The following SLC30A9 variants were observed in gnomAD, a reference collection of about 807,000 sequenced individuals.
The protein encoded by SLC30A9 is solute carrier family 30 member 9, also known as proton-coupled zinc antiporter SLC30A9, mitochondrial.
Under a neutral mutation model 87.5 loss-of-function variants are expected in SLC30A9, and 58 were observed. The observed-to-expected ratio is 0.66, with a 90% CI of 0.54 to 0.82. The LOEUF is 0.82. Among genes scored for constraint, SLC30A9 ranks in the 40% least tolerant of loss-of-function variants. The pLI is 0.00. For missense variants in SLC30A9, 557 were observed against 679.1 expected (o/e 0.82, Z 2.00); for synonymous variants, 234 against 233.0 (o/e 1.00, Z -0.04).
chr4:42,003,393 T>C (rs540147341), intron 2 of SLC30A9, among the ~76,000 whole-genome samples: 2 of 152,298 alleles, frequency 1.3e-5, no homozygotes, highest in East Asian at 3.8e-4. Context: ...CCAAGGGAGA[T>C]GTTGGAGTAT....
At chr4:42,037,768 A>T (rs976228736) in intron 7 of SLC30A9, among the ~76,000 whole-genome samples, 1 of 152,094 alleles carries the variant, frequency 6.6e-6, no homozygotes, top group Non-Finnish European at 1.5e-5. Context: ...AATTGCTCTG[A>T]TTATGGAATT....
chr4:42,066,965 T>A (rs529854085), intron 13 of SLC30A9, 120 bp from the exon 14 acceptor site: 6 of 648,866 alleles, frequency 9.2e-6, no homozygotes, highest in South Asian at 2.0e-5. Context: ...TAATCTCTCA[T>A]ACACTTTTTT....
At chr4:42,083,414 T>A (rs1718809943) in intron 17 of SLC30A9, among the ~76,000 whole-genome samples, 1 of 152,218 alleles carries the variant, frequency 6.6e-6, no homozygotes, top group South Asian at 2.1e-4. Context: ...TCAGTTCTGT[T>A]CAATAAATAT....
chr4:42,053,642 T>TCCG (rs1717473357), intron 9 of SLC30A9, among the ~76,000 whole-genome samples: 1 of 124,170 alleles, frequency 8.1e-6, no homozygotes, highest in African/African-American at 3.3e-5. Context: ...TGAGCCAAGA[T>TCCG]CCGAGATTGC....
At chr4:42,016,819 A>G (rs1314301172) in intron 2 of SLC30A9, among the ~76,000 whole-genome samples, 5 of 151,244 alleles carry the variant, frequency 3.3e-5, no homozygotes, top group South Asian at 4.2e-4. Context: ...CTATCTATCT[A>G]TCTATCTATC....
intron 17 of SLC30A9, among the ~76,000 whole-genome samples, chr4:42,079,671 G>A (rs897323482): frequency 2.0e-5 from 3 of 150,744 alleles, no homozygotes; most frequent in East Asian, 3.9e-4. Context: ...GCAGTGGCAC[G>A]ATCTCAGCTC....
intron 1 of SLC30A9, among the ~76,000 whole-genome samples, chr4:41,991,539 T>C (rs1714441569): frequency 6.6e-6 from 1 of 152,202 alleles, no homozygotes; most frequent in African/African-American, 2.4e-5. Flanking sequence ...TGAGAACTGA[T>C]AGGATCTCTG....
intron 11 of SLC30A9, among the ~76,000 whole-genome samples, chr4:42,064,062 T>C (rs1255443664): frequency 6.6e-6 from 1 of 152,234 alleles, no homozygotes; most frequent in Non-Finnish European, 1.5e-5. Flanking sequence ...GGCTTGCGTA[T>C]GGATGTATCA....
intron 6 of SLC30A9, chr4:42,029,824 A>G (rs1047732752): frequency 7.0e-5 from 51 of 726,538 alleles, no homozygotes; most frequent in African/African-American, 6.1e-4. Context: ...GTGATGAAGT[A>G]TAACGCATCT....
chr4:42,001,517 C>T, intron 1 of SLC30A9, 99 bp from the exon 2 acceptor site: 2 of 581,672 alleles, frequency 3.4e-6, no homozygotes, highest in Non-Finnish European at 5.9e-6. Flanking sequence ...TTCATGTGTA[C>T]CTAGAAGCAG....
At chr4:42,001,003 A>G (rs527411872) in intron 1 of SLC30A9, among the ~76,000 whole-genome samples, 3 of 152,176 alleles carry the variant, frequency 2.0e-5, no homozygotes, top group East Asian at 1.9e-4. Context: ...TGTGGAATAT[A>G]CTTTCCTTCT....
chr4:42,051,248 A>G (rs1203353589), intron 9 of SLC30A9, among the ~76,000 whole-genome samples: 2 of 152,212 alleles, frequency 1.3e-5, no homozygotes, highest in African/African-American at 4.8e-5. Context: ...AATCTTCCTA[A>G]AAGTTCTAAA....
intron 1 of SLC30A9, among the ~76,000 whole-genome samples, chr4:41,995,525 T>C (rs1340630895): frequency 2.0e-5 from 3 of 152,066 alleles, no homozygotes; most frequent in Non-Finnish European, 4.4e-5. Flanking sequence ...ATAGGCAGGA[T>C]GATGGGCTAG....
intron 7 of SLC30A9, among the ~76,000 whole-genome samples, chr4:42,037,290 A>C (rs1716723865): frequency 1.6e-5 from 1 of 62,434 alleles, no homozygotes; most frequent in Non-Finnish European, 3.7e-5. Flanking sequence ...TCTGACCCAG[A>C]CACTTGTTTT....
intron 6 of SLC30A9, chr4:42,029,652 A>AG: frequency 3.2e-6 from 2 of 617,668 alleles, no homozygotes; most frequent in Admixed American, 5.1e-5. Flanking sequence ...GAGGTGAGCG[A>AG]AAGTCTGCAG....
At chr4:41,991,217 C>G (rs1166374713) in intron 1 of SLC30A9, among the ~76,000 whole-genome samples, 3 of 152,192 alleles carry the variant, frequency 2.0e-5, no homozygotes, top group Non-Finnish European at 2.9e-5. Context: ...CTTAAATTTT[C>G]TAAAAGGAAG....
chr4:42,023,244 G>A, intron 5 of SLC30A9, 58 bp from the exon 6 acceptor site: 2 of 1,092,884 alleles, frequency 1.8e-6, no homozygotes, highest in Non-Finnish European at 1.4e-6. Flanking sequence ...AGATTTAAAT[G>A]TGATGTCAAT....
intron 13 of SLC30A9, 84 bp from the exon 14 acceptor site, chr4:42,067,001 A>G (rs1420773562): frequency 3.8e-6 from 3 of 786,528 alleles, no homozygotes; most frequent in Non-Finnish European, 6.5e-6. Context: ...TTGATTTTAA[A>G]TGGATACTTA....
rs554008265 is a variant in SLC30A9, at chr4:41,998,041, G to C, written c.110-3575G>C. Among the ~76,000 whole-genome samples, 8 of 151,636 alleles carry C rather than the reference G, an allele frequency of 5.3e-5. No individual in the cohort carries two copies. In the South Asian group the frequency reaches 1.7e-3, roughly 32 times the overall value. On this transcript the variant is annotated intron_variant, in intron 1 of 17. Transcript: ENST00000264451. ...TAGACTGAGTTGTCAGTTTGTGTGA[G>C]AGAAAAAGAGTGTCTTTTTGTTGTT...
Sources: gnomAD v4.1 joint callset for allele counts (sites outside exome capture counted in the v4.1 genomes callset) on GRCh38, gnomAD v4.1.1 for gene constraint, MANE v1.5 for transcripts, NCBI Gene and HGNC (gene_info 2026-07-23, HGNC 2026-07-21) for gene names.